OSGIN1: variants seen among roughly 807,000 people sequenced by gnomAD.
OSGIN1 encodes oxidative stress induced growth inhibitor 1.
A neutral mutation model predicts 20.1 loss-of-function variants in OSGIN1; 19 were observed. That is an observed-to-expected ratio of 0.95 (90% CI 0.66 to 1.39). The LOEUF (loss-of-function observed/expected upper bound fraction) is 1.39, where lower values mean the gene tolerates loss of function less well. Ranked by LOEUF, OSGIN1 falls within the 40% of genes most tolerant of loss-of-function variation. The pLI is 0.00. For missense variants in OSGIN1, 820 were observed against 653.0 expected (o/e 1.26, Z -2.79); for synonymous variants, 368 against 297.8 (o/e 1.24, Z -2.43).
chr16:83,955,215 C>T (rs1908869011), intron 1 of OSGIN1, among the ~76,000 whole-genome samples: 1 of 152,182 alleles, frequency 6.6e-6, no homozygotes, highest in Admixed American at 6.5e-5. Context: ...CAGGAGCAAG[C>T]CAGAGAAAGC....
At chr16:83,962,387 C>T (rs1456239341) in intron 5 of OSGIN1, among the ~76,000 whole-genome samples, 1 of 152,174 alleles carries the variant, frequency 6.6e-6, no homozygotes, top group African/African-American at 2.4e-5. Flanking sequence ...TACAGGTGCC[C>T]ACCACCACAC....
chr16:83,954,063 C>G (rs2665304), intron 1 of OSGIN1: 91,721 of 152,234 alleles, frequency 0.6, 28,739 homozygotes, highest in East Asian at 0.78. Flanking sequence ...CTGGAGGGGA[C>G]TTGGCAGAAC....
At chr16:83,961,604 G>T (rs2084214366) in intron 5 of OSGIN1, among the ~76,000 whole-genome samples, 1 of 152,184 alleles carries the variant, frequency 6.6e-6, no homozygotes, top group Non-Finnish European at 1.5e-5. Flanking sequence ...AGGGGCTTCA[G>T]AGTGCATCTG....
Position 83,965,899 on chromosome 16 carries a change from G to C in OSGIN1, c.1326G>C (p.Leu442=). Residue 442 remains leucine, a synonymous_variant, in exon 6 of 6, where the codon CTG becomes CTC. Coordinates refer to ENST00000393306, the MANE Select transcript of OSGIN1 (RefSeq NM_182981.3). ...ACCAGAGCACCCGCCAGGAGGGCCT[G>C]TACGCCATGGGGCCGCTGGCCGGGG... ...FTYQSTRQEG[L]YAMGPLAGDN... The C allele has an allele frequency of 6.2e-7, 1 of 1,612,862 alleles. No individual in the cohort carries two copies. Among genetic ancestry groups the C allele is most frequent in the Non-Finnish European group, 8.5e-7 (1 of 1,179,994 alleles).
In OSGIN1 at chr16:83,965,329, GGCCCGGCTGGGCATCCCCGGGGAGGCCCT is replaced by G; in HGVS notation, c.761_789del (p.Arg254LeufsTer5). ...TCGCCACAGGCACGTTCGACAGCCCGGCCCGGCTGGGCATCCCCGGGGAGGCCCTGCCCTTCATCCACCATGAGCTGTCT... is the reference window on the plus strand; with the variant it reads ...TCGCCACAGGCACGTTCGACAGCCCGGCCCTTCATCCACCATGAGCTGTCT... On this transcript the variant is annotated frameshift_variant, in exon 6 of 6. Transcript: ENST00000393306. LOFTEE classifies it low-confidence loss of function (END_TRUNC). The G allele has an allele frequency of 1.3e-6, 2 of 1,574,154 alleles. No homozygotes were observed. The highest frequency in any genetic ancestry group is 1.7e-6 in the Non-Finnish European group (2 of 1,160,448).
At chr16:83,961,148 A>G (rs1272651611) in intron 5 of OSGIN1, 76 bp downstream of exon 5, 2 of 1,158,298 alleles carry the variant, frequency 1.7e-6, no homozygotes, top group Admixed American at 3.5e-5. Flanking sequence ...GACAGGTCTC[A>G]GTTAATTTAG....
rs2084275180 is a variant in OSGIN1 at position 83,965,910 on chromosome 16, G to A, written c.1337G>A (p.Gly446Glu). Residue 446 changes from glycine to glutamate, a missense_variant, in exon 6 of 6, where the codon GGG becomes GAG. By Grantham distance (98) the Gly-to-Glu change is moderately conservative. Coordinates refer to ENST00000393306, the MANE Select transcript of OSGIN1 (RefSeq NM_182981.3). Reference protein sequence around the residue: ...STRQEGLYAMGPLAGDNFVRF... With the variant: ...STRQEGLYAMEPLAGDNFVRF... ...CGCCAGGAGGGCCTGTACGCCATGG[G>A]GCCGCTGGCCGGGGACAACTTCGTG... 2 of 1,612,676 alleles carry A rather than the reference G, an allele frequency of 1.2e-6. No individual in the cohort carries two copies. The highest frequency in any genetic ancestry group is 1.1e-5 in the South Asian group (1 of 91,092).
chr16:83,954,694 G>C (rs375874113), intron 1 of OSGIN1: 11,159 of 942,412 alleles, frequency 0.012, 90 homozygotes, highest in Non-Finnish European at 0.013. Context: ...AGAAGCTTCT[G>C]TTCAAGAGCC....
chr16:83,965,804 G>C lies in OSGIN1; in HGVS notation c.1231G>C (p.Asp411His). The C allele has an allele frequency of 6.2e-7, 1 of 1,613,044 alleles. No homozygotes were observed. The highest frequency in any genetic ancestry group is 8.5e-7 in the Non-Finnish European group (1 of 1,179,986). Residue 411 changes from aspartate (D) to histidine (H), a missense_variant, in exon 6 of 6, where the codon GAC (aspartate) becomes CAC (histidine). Physicochemically the swap from Asp to His is moderately conservative, Grantham distance 81 (BLOSUM62 -1). Transcript: ENST00000393306. The part of the protein sequence containing the change: ...DLSFLPGAGA[D>H]FAVDPDQPLS... ...CTCCTTCCTGCCTGGGGCAGGGGCT[G>C]ACTTTGCAGTGGATCCTGACCAGCC...
intron 1 of OSGIN1, chr16:83,954,885 G>C (rs1567654015): frequency 2.9e-6 from 1 of 350,790 alleles, no homozygotes; most frequent in South Asian, 1.1e-4. Context: ...GAACAAAGGA[G>C]GGGCAGGGCA....
At chr16:83,954,221 G>A (rs1353301527) in intron 1 of OSGIN1, 2 of 152,200 alleles carry the variant, frequency 1.3e-5, no homozygotes, top group African/African-American at 4.8e-5. Flanking sequence ...AGGAGTAAAT[G>A]GCCACTAGAG....
In OSGIN1 at chr16:83,965,536, C is replaced by T; in HGVS notation, c.963C>T (p.Asp321=). Residue 321 remains aspartate (D), a synonymous_variant, in exon 6 of 6, where the codon GAC becomes GAT. Transcript: ENST00000393306. ...VIHAFRRAVD[D]PGLVFNQLPK... ...ATGCCTTCCGCCGGGCCGTGGACGA[C>T]CCTGGCCTGGTGTTCAACCAGCTGC... is the stretch of plus-strand genomic sequence containing the variant. 1 of 1,612,754 alleles carries T rather than the reference C, an allele frequency of 6.2e-7. No homozygotes were observed. The highest frequency in any genetic ancestry group is 8.5e-7 in the Non-Finnish European group (1 of 1,180,024).
At chr16:83,961,245 T>C (rs1406693556) in intron 5 of OSGIN1, 173 bp downstream of exon 5, 2 of 602,084 alleles carry the variant, frequency 3.3e-6, no homozygotes, top group Non-Finnish European at 5.9e-6. Flanking sequence ...CCGGCACAGC[T>C]TGGTTTTATA....
At chr16:83,956,393 C>G (rs1481957371) in intron 1 of OSGIN1, among the ~76,000 whole-genome samples, 1 of 152,256 alleles carries the variant, frequency 6.6e-6, no homozygotes, top group Admixed American at 6.5e-5. Flanking sequence ...CAGATTCCCA[C>G]TTTCTCTGGA....
chr16:83,960,169 AAACAGGGACACACTGGG>A, intron 3 of OSGIN1, among the ~76,000 whole-genome samples: 1 of 152,302 alleles, frequency 6.6e-6, no homozygotes, highest in East Asian at 1.9e-4. Flanking sequence ...CACTCCAGTA[AAACAGGGACACACTGGG>A]TTTGGCAAAA....
At position 83,965,798 on chromosome 16, in the gene OSGIN1, G is replaced by A; in HGVS notation, c.1225G>A (p.Gly409Arg). The change falls in exon 6 of 6, where the codon GGG becomes AGG. Residue 409 changes from glycine (G) to arginine (R), a missense_variant. Gly to Arg is a moderately radical substitution (Grantham distance 125, BLOSUM62 -2). Transcript: ENST00000393306. The stretch of plus-strand genomic sequence containing the variant: ...CGACCTCTCCTTCCTGCCTGGGGCA[G>A]GGGCTGACTTTGCAGTGGATCCTGA... ...HPDLSFLPGA[G>R]ADFAVDPDQP... 6.2e-7 allele frequency: 1 copy of A among 1,613,106 alleles called. No individual in the cohort carries two copies. Among genetic ancestry groups the A allele is most frequent in the Non-Finnish European group, 8.5e-7 (1 of 1,179,968 alleles).
rs747452671 is a variant in OSGIN1, at chr16:83,960,735, G to A, written c.371G>A (p.Arg124Gln). The A allele has an allele frequency of 1.9e-5, 30 of 1,613,186 alleles. No individual in the cohort carries two copies. In the South Asian group the frequency reaches 2.1e-4, roughly 11 times the overall value. ...GCCATCCCCCACGTGGTTCTGGGCC[G>A]GAACCTCCCCGGGGGAGCCTGGCAC... ...EHAIPHVVLGRNLPGGAWHSI... is the reference protein window; with the variant it reads ...EHAIPHVVLGQNLPGGAWHSI... Residue 124 changes from arginine to glutamine, a missense_variant, in exon 4 of 6, where the codon CGG becomes CAG. Physicochemically the swap from Arg to Gln is conservative, Grantham distance 43. Coordinates refer to ENST00000393306, the MANE Select transcript of OSGIN1 (RefSeq NM_182981.3).
intron 5 of OSGIN1, among the ~76,000 whole-genome samples, chr16:83,962,036 T>G (rs1236025507): frequency 6.6e-6 from 1 of 151,462 alleles, no homozygotes; most frequent in East Asian, 1.9e-4. Flanking sequence ...GTTGGGTAAA[T>G]TAACTCACCT....
At chr16:83,963,740 C>A (rs139182433) in intron 5 of OSGIN1, among the ~76,000 whole-genome samples, 1 of 152,240 alleles carries the variant, frequency 6.6e-6, no homozygotes, top group African/African-American at 2.4e-5. Context: ...ACAGGATTCT[C>A]CCGTATGGGA....
Sources: allele counts gnomAD v4.1 joint callset (sites outside exome capture counted in the v4.1 genomes callset), GRCh38; gene constraint gnomAD v4.1.1; transcripts MANE v1.5; gene names NCBI Gene and HGNC (gene_info 2026-07-23, HGNC 2026-07-21).